Variants in DLG1 observed in about 807,000 individuals in gnomAD.
DLG1 encodes discs large MAGUK scaffold protein 1, also known as disks large homolog 1.
Under a neutral mutation model 123.4 loss-of-function variants are expected in DLG1, and 42 were observed. The observed-to-expected ratio is 0.34, with a 90% confidence interval of 0.27 to 0.44. The LOEUF is 0.44. Ranked by LOEUF, DLG1 falls within the 20% of genes least tolerant of loss-of-function variation. The pLI, the probability that DLG1 is intolerant of heterozygous loss-of-function variation, is 1.00. For synonymous variants in DLG1, 317 were observed against 356.2 expected (o/e 0.89, Z 1.24); for missense variants, 942 against 1,082.6 (o/e 0.87, Z 1.82).
intron 22 of DLG1, 134 bp downstream of exon 22, chr3:197,065,142 A>C: frequency 3.9e-6 from 3 of 765,610 alleles, no homozygotes; most frequent in Non-Finnish European, 5.7e-6. Flanking sequence ...AAGCCATGGA[A>C]AATTAATTAT....
chr3:197,069,233 C>G lies in DLG1; in HGVS notation c.2033G>C (p.Ser678Thr), dbSNP rs1204784700. The G allele has an allele frequency of 6.3e-7, 1 of 1,590,326 alleles. No individual in the cohort carries two copies. The highest frequency in any genetic ancestry group is 1.1e-5 in the South Asian group (1 of 87,268). The change falls in exon 19 of 25, where the codon AGT (serine) becomes ACT (threonine). Residue 678 changes from serine (S) to threonine (T), a missense_variant. Physicochemically the swap from Ser to Thr is moderately conservative, Grantham distance 58 (BLOSUM62 1). Coordinates refer to ENST00000667157, the MANE Select transcript of DLG1 (RefSeq NM_001366207.1). ...AAAACACTTACGGTAACTACTTTCA[C>G]TATCGCTGGCATTAGAAGTTACATG... Reference protein sequence around the residue: ...DQHVTSNASDSESSYRGQEEY... With the variant: ...DQHVTSNASDTESSYRGQEEY...
rs73088499 is a variant in DLG1, at chr3:197,290,098, G to C, written c.151+6248C>G. ...ATCTCATAAGGACACAAGCTTGAAA[G>C]GGCCCCCACTGGATCACTCAGAGCA... On this transcript the variant is annotated intron_variant, in intron 3 of 24. Transcript: ENST00000667157. Among the ~76,000 whole-genome samples the C allele has an allele frequency of 1.4e-3, 210 of 152,198 alleles. 2 individuals carry two copies. The highest frequency in any genetic ancestry group is 4.7e-3 in the African/African-American group (197 of 41,532).
At chr3:197,077,044 G>C (rs983787206) in intron 17 of DLG1, among the ~76,000 whole-genome samples, 2 of 152,064 alleles carry the variant, frequency 1.3e-5, no homozygotes, top group Admixed American at 6.5e-5. Flanking sequence ...TACAGCAAAA[G>C]TTATTTAATG....
intron 5 of DLG1, chr3:197,161,520 T>C (rs1181921163): frequency 1.8e-6 from 1 of 562,288 alleles, no homozygotes. Flanking sequence ...AACTACTAAC[T>C]GAAGCCCAAA....
At chr3:197,294,319 T>C (rs951125336) in intron 3 of DLG1, among the ~76,000 whole-genome samples, 2 of 152,122 alleles carry the variant, frequency 1.3e-5, no homozygotes, top group African/African-American at 4.8e-5. Flanking sequence ...CCAATGAAAT[T>C]AGAAGATTCA....
At chr3:197,174,633 A>G (rs1026272345) in intron 5 of DLG1, among the ~76,000 whole-genome samples, 1 of 152,144 alleles carries the variant, frequency 6.6e-6, no homozygotes, top group South Asian at 2.1e-4. Flanking sequence ...TTTTCTTTCT[A>G]TCTTACAAAA....
In DLG1 at chr3:197,167,357, A is replaced by T. The variant is rs138809378; in HGVS notation, c.484-17561T>A. Among the ~76,000 whole-genome samples the T allele has an allele frequency of 3.4e-3, 511 of 152,334 alleles. 5 individuals are homozygous for T. Among genetic ancestry groups the T allele is most frequent in the African/African-American group, 0.011 (477 of 41,578 alleles). Reference sequence around the variant, plus strand: ...CCAAGTGAAACGTCCATTCCAGTGGATGAATGGGATATACTCATACAAAAG... The same window carrying T: ...CCAAGTGAAACGTCCATTCCAGTGGTTGAATGGGATATACTCATACAAAAG... On this transcript the variant is annotated intron_variant, in intron 5 of 24. Coordinates refer to ENST00000667157, the MANE Select transcript of DLG1 (RefSeq NM_001366207.1).
At chr3:197,241,164 A>G (rs1378584303) in intron 4 of DLG1, among the ~76,000 whole-genome samples, 1 of 152,156 alleles carries the variant, frequency 6.6e-6, no homozygotes, top group African/African-American at 2.4e-5. Flanking sequence ...AAAGAAACAA[A>G]TAACATATAA....
Position 197,149,733 on chromosome 3 carries a change from T to A in DLG1, c.537+10A>T, listed in dbSNP as rs764474273. 5 of 1,572,834 alleles carry A rather than the reference T, an allele frequency of 3.2e-6. No homozygotes were observed. The Admixed American group carries it at 8.4e-5, about 26-fold the overall frequency. On this transcript the variant is annotated intron_variant, in intron 6 of 24. Coordinates refer to ENST00000667157, the MANE Select transcript of DLG1 (RefSeq NM_001366207.1). The stretch of plus-strand genomic sequence containing the variant: ...GAATTACTTCAATGTGGGGAGGAAA[T>A]GGAACTTACGTAAGTTGGTGTTTCC...
intron 15 of DLG1, among the ~76,000 whole-genome samples, chr3:197,087,904 G>C (rs1365006259): frequency 6.6e-6 from 1 of 152,216 alleles, no homozygotes; most frequent in Non-Finnish European, 1.5e-5. Context: ...CAGAAGACCA[G>C]TGGTTTAGTC....
chr3:197,186,497 G>A (rs888973538), intron 5 of DLG1, among the ~76,000 whole-genome samples: 3 of 152,016 alleles, frequency 2.0e-5, no homozygotes, highest in South Asian at 2.1e-4. Flanking sequence ...ATAATCTATA[G>A]AATTCTAGCC....
Position 197,293,935 on chromosome 3 carries a change from C to CT in DLG1, c.151+2410dup, listed in dbSNP as rs973888312. 3.3e-5 allele frequency: 5 copies of CT among 152,916 alleles called. No individual in the cohort carries two copies. In the South Asian group the frequency reaches 6.1e-4, roughly 19 times the overall value. The allele number at this position is 152,916 out of a possible 1,614,324, so 9.5% of individuals were successfully genotyped here. On this transcript the variant is annotated intron_variant, in intron 3 of 24. Transcript: ENST00000667157. ...AAAAAACCTTTCAGTAAGTGGCACTCTGTCTTCTGAGTCGGATTTTTCTGC... is the reference window on the plus strand; with the variant it reads ...AAAAAACCTTTCAGTAAGTGGCACTCTTGTCTTCTGAGTCGGATTTTTCTGC...
chr3:197,284,743 T>C (rs754799676), intron 3 of DLG1, among the ~76,000 whole-genome samples: 5 of 152,172 alleles, frequency 3.3e-5, no homozygotes, highest in Admixed American at 1.3e-4. Flanking sequence ...CTAAAATATG[T>C]ATTAGGAAAA....
intron 4 of DLG1, among the ~76,000 whole-genome samples, chr3:197,222,119 C>T (rs771534311): frequency 2.6e-5 from 4 of 152,180 alleles, no homozygotes; most frequent in Admixed American, 6.5e-5. Flanking sequence ...GATCCACAGT[C>T]GGTTGAATCC....
chr3:197,188,933 C>G (rs2150204603), intron 5 of DLG1, among the ~76,000 whole-genome samples: 1 of 152,328 alleles, frequency 6.6e-6, no homozygotes, highest in African/African-American at 2.4e-5. Context: ...TGCTATAATG[C>G]TCACCTGCTC....
chr3:197,094,544 C>T (rs1243300584), intron 14 of DLG1, among the ~76,000 whole-genome samples: 6 of 152,060 alleles, frequency 3.9e-5, no homozygotes, highest in Admixed American at 3.9e-4. Context: ...TCATATTATC[C>T]TCAAATTCTG....
At chr3:197,196,186 A>G (rs1722426472) in intron 4 of DLG1, among the ~76,000 whole-genome samples, 1 of 151,404 alleles carries the variant, frequency 6.6e-6, no homozygotes, top group African/African-American at 2.4e-5. Context: ...AAAAAAAAAA[A>G]AAAAAAAAAA....
chr3:197,251,413 A>G (rs1348721817), intron 4 of DLG1, among the ~76,000 whole-genome samples: 1 of 152,186 alleles, frequency 6.6e-6, no homozygotes, highest in Non-Finnish European at 1.5e-5. Context: ...AGCTACAGTA[A>G]CCAAATAAGC....
intron 6 of DLG1, among the ~76,000 whole-genome samples, chr3:197,145,419 A>G (rs1790253668): frequency 6.6e-6 from 1 of 152,142 alleles, no homozygotes; most frequent in Non-Finnish European, 1.5e-5. Flanking sequence ...TGCTCAATTT[A>G]TGCTTACTCT....
Sources: gnomAD v4.1 joint callset for allele counts (sites outside exome capture counted in the v4.1 genomes callset) on GRCh38, gnomAD v4.1.1 for gene constraint, MANE v1.5 for transcripts, NCBI Gene and HGNC (gene_info 2026-07-23, HGNC 2026-07-21) for gene names.